KCNC2: variants seen among roughly 807,000 people sequenced by gnomAD.
KCNC2 encodes the protein potassium voltage-gated channel subfamily C member 2.
Under a neutral mutation model 44.5 loss-of-function variants are expected in KCNC2, and 21 were observed. The ratio of observed to expected loss-of-function variants is 0.47; its 90% confidence interval spans 0.33 to 0.68. The LOEUF (loss-of-function observed/expected upper bound fraction) is 0.68. KCNC2 is among the 30% of genes least tolerant of loss of function. The pLI is 0.01. For synonymous variants in KCNC2, 391 were observed against 339.1 expected (o/e 1.15, Z -1.68); for missense variants, 589 against 826.2 (o/e 0.71, Z 3.52).
At chr12:75,174,010 T>C (rs1892007966) in intron 2 of KCNC2, among the ~76,000 whole-genome samples, 1 of 151,896 alleles carries the variant, frequency 6.6e-6, no homozygotes, top group Non-Finnish European at 1.5e-5. Context: ...CTTCATCTTC[T>C]GATTTTTTTC....
chr12:75,168,180 G>A (rs557008766), intron 2 of KCNC2, among the ~76,000 whole-genome samples: 3 of 151,416 alleles, frequency 2.0e-5, no homozygotes, highest in Admixed American at 6.6e-5. Flanking sequence ...GTTAGGCAAA[G>A]CAATCAAGCC....
chr12:75,143,061 C>T (rs1889768807), intron 2 of KCNC2, among the ~76,000 whole-genome samples: 1 of 152,148 alleles, frequency 6.6e-6, no homozygotes, highest in African/African-American at 2.4e-5. Context: ...AGTTCTGCAT[C>T]CTCAGAATGG....
intron 2 of KCNC2, among the ~76,000 whole-genome samples, chr12:75,121,419 A>G (rs1235513319): frequency 2.0e-5 from 3 of 152,186 alleles, no homozygotes; most frequent in South Asian, 4.1e-4. Flanking sequence ...TCTGCCCTCA[A>G]GAAGGAATGG....
intron 2 of KCNC2, among the ~76,000 whole-genome samples, chr12:75,137,058 A>G (rs1889284091): frequency 6.6e-6 from 1 of 152,118 alleles, no homozygotes. Context: ...GTACCTTTTG[A>G]AAATACCTTT....
intron 2 of KCNC2, among the ~76,000 whole-genome samples, chr12:75,156,468 C>A (rs779303310): frequency 1.3e-5 from 2 of 151,688 alleles, no homozygotes; most frequent in Admixed American, 1.3e-4. Flanking sequence ...GCATATGCCT[C>A]GCACAGCCTA....
At chr12:75,161,154 AT>A (rs1891098710) in intron 2 of KCNC2, among the ~76,000 whole-genome samples, 1 of 151,774 alleles carries the variant, frequency 6.6e-6, no homozygotes, top group African/African-American at 2.4e-5. Context: ...ATATCCTAAT[AT>A]AAAAACTCAG....
At chr12:75,199,001 C>T (rs1008327340) in intron 2 of KCNC2, among the ~76,000 whole-genome samples, 4 of 151,690 alleles carry the variant, frequency 2.6e-5, no homozygotes, top group African/African-American at 9.7e-5. Context: ...GATGTCTTTG[C>T]ATTTTATTAT....
intron 2 of KCNC2, among the ~76,000 whole-genome samples, chr12:75,146,111 C>T (rs949765764): frequency 2.6e-5 from 4 of 151,912 alleles, no homozygotes; most frequent in South Asian, 4.2e-4. Context: ...CCCACCACCA[C>T]GCCCGGCTAA....
intron 2 of KCNC2, among the ~76,000 whole-genome samples, chr12:75,133,938 A>G (rs1889040554): frequency 6.6e-6 from 1 of 151,950 alleles, no homozygotes. Flanking sequence ...ATGAAGAAGG[A>G]AAAGGAAGAA....
intron 2 of KCNC2, among the ~76,000 whole-genome samples, chr12:75,130,214 A>T (rs1888731266): frequency 6.6e-6 from 1 of 152,176 alleles, no homozygotes; most frequent in Admixed American, 6.6e-5. Context: ...ATAAAGATGC[A>T]CACACACGTA....
At chr12:75,111,182 T>C (rs1444846151) in intron 2 of KCNC2, among the ~76,000 whole-genome samples, 1 of 152,194 alleles carries the variant, frequency 6.6e-6, no homozygotes, top group Admixed American at 6.5e-5. Flanking sequence ...TTATATGTGC[T>C]GTAATTCTCT....
chr12:75,072,850 A>G (rs1883556617), intron 2 of KCNC2, among the ~76,000 whole-genome samples: 1 of 152,186 alleles, frequency 6.6e-6, no homozygotes, highest in African/African-American at 2.4e-5. Context: ...TTAAGACATA[A>G]ATCTGTCAAA....
intron 2 of KCNC2, among the ~76,000 whole-genome samples, chr12:75,121,705 A>G (rs1455575707): frequency 6.6e-6 from 1 of 152,190 alleles, no homozygotes; most frequent in African/African-American, 2.4e-5. Context: ...GAAATTTCCT[A>G]TGGAATAGAA....
intron 2 of KCNC2, among the ~76,000 whole-genome samples, chr12:75,133,304 A>G (rs1407623542): frequency 6.6e-6 from 1 of 151,980 alleles, no homozygotes; most frequent in Non-Finnish European, 1.5e-5. Flanking sequence ...AACAAAAAAG[A>G]TGATAAAATA....
chr12:75,041,177 T>C lies in KCNC2; in HGVS notation c.*1928A>G, dbSNP rs199579079. On this transcript the variant is annotated 3_prime_UTR_variant, in exon 5 of 5. Transcript: ENST00000549446. Reference sequence around the variant, plus strand: ...AATTCCACTGTCCCTTTCTCAGCAGTCAATAATCCATGATAAATTCTGTAC... The same window carrying C: ...AATTCCACTGTCCCTTTCTCAGCAGCCAATAATCCATGATAAATTCTGTAC... 130 of 1,596,418 alleles carry C rather than the reference T, an allele frequency of 8.1e-5. 1 individual carries two copies. The Admixed American group carries it at 1.0e-3, about 13-fold the overall frequency.
chr12:75,042,186 AATG>A lies in KCNC2; in HGVS notation c.*916_*918del. On this transcript the variant is annotated 3_prime_UTR_variant, in exon 5 of 5. Transcript: ENST00000549446. Reference sequence around the variant, plus strand: ...TGATATTTGGCACTCTGCCTCTGAAAATGATGACAAACCCTGGGTATTTTTTTT... The same window carrying A: ...TGATATTTGGCACTCTGCCTCTGAAAATGACAAACCCTGGGTATTTTTTTT... The A allele has an allele frequency of 7.6e-7, 1 of 1,315,088 alleles. No individual in the cohort carries two copies. The highest frequency in any genetic ancestry group is 9.8e-7 in the Non-Finnish European group (1 of 1,024,672). The allele number at this position is 1,315,088 out of a possible 1,614,324, so 81.5% of individuals were successfully genotyped here.
chr12:75,202,088 A>G (rs953904733), intron 2 of KCNC2, among the ~76,000 whole-genome samples: 1 of 151,962 alleles, frequency 6.6e-6, no homozygotes, highest in African/African-American at 2.4e-5. Flanking sequence ...AGGTTGATCT[A>G]TACCTTCCTT....
intron 2 of KCNC2, among the ~76,000 whole-genome samples, chr12:75,153,730 T>C (rs1890568699): frequency 1.3e-5 from 2 of 151,958 alleles, no homozygotes; most frequent in Non-Finnish European, 2.9e-5. Flanking sequence ...ATGTATTATA[T>C]ACTGTATCCT....
At chr12:75,151,191 A>G (rs1413081249) in intron 2 of KCNC2, among the ~76,000 whole-genome samples, 1 of 151,958 alleles carries the variant, frequency 6.6e-6, no homozygotes, top group East Asian at 1.9e-4. Context: ...ATATAGGAGA[A>G]ACAAACCCTT....
Sources: allele counts gnomAD v4.1 joint callset (sites outside exome capture counted in the v4.1 genomes callset), GRCh38; gene constraint gnomAD v4.1.1; transcripts MANE v1.5; gene names NCBI Gene and HGNC (gene_info 2026-07-23, HGNC 2026-07-21).